Variants in AFF1 observed in about 807,000 individuals in gnomAD.
AFF1 encodes AF4/FMR2 family member 1.
A neutral mutation model predicts 121.7 loss-of-function variants in AFF1; 48 were observed. That is an observed-to-expected ratio of 0.39 (90% confidence interval 0.31 to 0.50). The LOEUF is 0.50. Ranked by LOEUF, AFF1 falls within the 20% of genes least tolerant of loss-of-function variation. The pLI, the probability that AFF1 is intolerant of heterozygous loss-of-function variation, is 0.76. For missense variants in AFF1, 1,523 were observed against 1,511.7 expected, an observed-to-expected ratio of 1.01 and a Z score of -0.12; for synonymous variants, 613 against 563.0, an observed-to-expected ratio of 1.09 and a Z score of -1.26.
At chr4:87,087,901 TGC>T (rs1723895744) in intron 5 of AFF1, among the ~76,000 whole-genome samples, 1 of 152,222 alleles carries the variant, frequency 6.6e-6, no homozygotes, top group Non-Finnish European at 1.5e-5. Context: ...AATGGTTCTG[TGC>T]CTTAAAGTAT....
chr4:86,962,380 C>G (rs1369152611), intron 2 of AFF1, among the ~76,000 whole-genome samples: 1 of 152,102 alleles, frequency 6.6e-6, no homozygotes, highest in African/African-American at 2.4e-5. Flanking sequence ...CTAGTTCTTT[C>G]ATTTGTAAAA....
chr4:86,954,515 AATTC>A (rs1437924741), intron 2 of AFF1, among the ~76,000 whole-genome samples: 4 of 152,138 alleles, frequency 2.6e-5, no homozygotes, highest in East Asian at 3.9e-4. Context: ...TGAGTCCAGG[AATTC>A]ATTCGAGACC....
intron 1 of AFF1, among the ~76,000 whole-genome samples, chr4:86,939,386 CTAAAA>C (rs1438836867): frequency 2.4e-4 from 36 of 152,172 alleles, no homozygotes; most frequent in Admixed American, 6.5e-4. Context: ...CAGCTTGACT[CTAAAA>C]TATAAATAGT....
At chr4:87,017,896 G>A (rs981687500) in intron 2 of AFF1, among the ~76,000 whole-genome samples, 6 of 151,188 alleles carry the variant, frequency 4.0e-5, no homozygotes, top group Non-Finnish European at 5.9e-5. Flanking sequence ...CATGTGTGAC[G>A]TTAGTGAAAA....
At chr4:87,050,921 CTG>C in intron 4 of AFF1, among the ~76,000 whole-genome samples, 1 of 152,210 alleles carries the variant, frequency 6.6e-6, no homozygotes, top group East Asian at 1.9e-4. Context: ...CGTGGCATCT[CTG>C]TGAGTGCTCA....
At chr4:86,951,525 G>C (rs1721304928) in intron 2 of AFF1, among the ~76,000 whole-genome samples, 1 of 151,296 alleles carries the variant, frequency 6.6e-6, no homozygotes, top group Non-Finnish European at 1.5e-5. Context: ...TCCACATGTA[G>C]TTAACTTGAA....
At chr4:87,000,381 C>G (rs1725594046) in intron 2 of AFF1, among the ~76,000 whole-genome samples, 1 of 152,134 alleles carries the variant, frequency 6.6e-6, no homozygotes, top group Admixed American at 6.6e-5. Flanking sequence ...CGGGTTGCAT[C>G]TTGGACCAGA....
At chr4:86,990,005 A>T (rs1302068747) in intron 2 of AFF1, among the ~76,000 whole-genome samples, 3 of 152,164 alleles carry the variant, frequency 2.0e-5, no homozygotes, top group East Asian at 3.9e-4. Context: ...GGAGGGGAAC[A>T]TCACACACCA....
intron 12 of AFF1, among the ~76,000 whole-genome samples, chr4:87,118,385 C>T (rs946759473): frequency 1.3e-5 from 2 of 152,190 alleles, no homozygotes; most frequent in African/African-American, 2.4e-5. Context: ...AGGGTAAATA[C>T]GCATGACCTC....
Position 87,115,201 on chromosome 4 carries a change from C to T in AFF1, c.2368C>T (p.Gln790Ter). 1.2e-6 allele frequency: 2 copies of T among 1,614,186 alleles called. No individual in the cohort carries two copies. The highest frequency in any genetic ancestry group is 1.7e-6 in the Non-Finnish European group (2 of 1,180,048). The change falls in exon 12 of 21, where the codon CAG becomes TAG. Residue 790 changes from glutamine (Q) to a stop codon, truncating the protein, a stop_gained. Transcript: ENST00000395146. LOFTEE classifies it high-confidence loss of function. ...IPQPPGKGSR[Q>*]RKAEDKQPPA... ...CCAGCCTCCCGGGAAGGGGAGCCGC[C>T]AGAGGAAAGCAGAAGATAAACAGCC...
At chr4:87,130,868 C>A (rs937055599) in intron 16 of AFF1, among the ~76,000 whole-genome samples, 1 of 152,190 alleles carries the variant, frequency 6.6e-6, no homozygotes, top group African/African-American at 2.4e-5. Flanking sequence ...AATACGGGAT[C>A]ATTTTCTTTT....
chr4:86,986,605 A>C (rs912884817), intron 2 of AFF1, among the ~76,000 whole-genome samples: 1 of 152,074 alleles, frequency 6.6e-6, no homozygotes, highest in Non-Finnish European at 1.5e-5. Flanking sequence ...AGAAAAAAAA[A>C]ATTGTTTTTC....
chr4:87,079,811 G>A (rs1722999836), intron 4 of AFF1, among the ~76,000 whole-genome samples: 1 of 152,078 alleles, frequency 6.6e-6, no homozygotes, highest in South Asian at 2.1e-4. Context: ...TACCACAAAG[G>A]TTGATGTGAG....
intron 12 of AFF1, 87 bp from the exon 13 acceptor site, chr4:87,124,950 C>T (rs994480935): frequency 8.7e-7 from 1 of 1,144,798 alleles, no homozygotes; most frequent in Middle Eastern, 3.0e-4. Context: ...GTTCCTTTAC[C>T]CTCTTTGCCT....
intron 2 of AFF1, among the ~76,000 whole-genome samples, chr4:86,995,824 G>C (rs1025646263): frequency 5.3e-5 from 8 of 150,948 alleles, no homozygotes; most frequent in Non-Finnish European, 1.2e-4. Context: ...TCTGGAAAGT[G>C]AGGAGCGTCT....
intron 2 of AFF1, among the ~76,000 whole-genome samples, chr4:87,004,109 A>G (rs1438420205): frequency 1.3e-5 from 2 of 152,230 alleles, no homozygotes; most frequent in Admixed American, 6.5e-5. Flanking sequence ...TAGTTCTGCA[A>G]CTAGGATCTG....
At chr4:86,945,029 A>G in intron 1 of AFF1, among the ~76,000 whole-genome samples, 1 of 152,236 alleles carries the variant, frequency 6.6e-6, no homozygotes, top group Non-Finnish European at 1.5e-5. Flanking sequence ...CTGCCATGGA[A>G]CATTCCAAAA....
chr4:87,011,692 A>G (rs867835669), intron 2 of AFF1, among the ~76,000 whole-genome samples: 11 of 150,998 alleles, frequency 7.3e-5, no homozygotes, highest in African/African-American at 2.5e-4. Flanking sequence ...TTGTGACACC[A>G]TTGTAAACAG....
At chr4:86,950,940 T>C (rs1721259591) in intron 2 of AFF1, among the ~76,000 whole-genome samples, 1 of 152,242 alleles carries the variant, frequency 6.6e-6, no homozygotes, top group African/African-American at 2.4e-5. Context: ...AATAATGTCA[T>C]GTGTTCTTTG....
Sources: allele counts gnomAD v4.1 joint callset (sites outside exome capture counted in the v4.1 genomes callset), GRCh38; gene constraint gnomAD v4.1.1; transcripts MANE v1.5; gene names NCBI Gene and HGNC (gene_info 2026-07-23, HGNC 2026-07-21).